The following ELMOD1 variants were observed in gnomAD, a reference collection of about 807,000 sequenced individuals.
ELMOD1 encodes the protein ELMO domain-containing protein 1.
Under a neutral mutation model 46.7 loss-of-function variants are expected in ELMOD1, and 21 were observed. The observed-to-expected ratio is 0.45, with a 90% CI of 0.32 to 0.65. ELMOD1 has a LOEUF of 0.65. Among genes scored for constraint, ELMOD1 ranks in the 30% least tolerant of loss-of-function variants. The pLI, the probability that ELMOD1 is intolerant of heterozygous loss-of-function variation, is 0.04. For synonymous variants in ELMOD1, 122 were observed against 138.2 expected (o/e 0.88, Z 0.82); for missense variants, 348 against 407.8 (o/e 0.85, Z 1.26).
intron 6 of ELMOD1, among the ~76,000 whole-genome samples, chr11:107,641,379 G>A (rs1386032294): frequency 2.0e-5 from 3 of 152,038 alleles, no homozygotes; most frequent in Non-Finnish European, 2.9e-5. Flanking sequence ...TGTTTTCTAA[G>A]TAGTTACCAC....
chr11:107,626,122 A>G (rs1388249785), intron 2 of ELMOD1, among the ~76,000 whole-genome samples: 1 of 152,202 alleles, frequency 6.6e-6, no homozygotes, highest in African/African-American at 2.4e-5. Context: ...AGAATCTTCC[A>G]TCAAAATGAA....
At chr11:107,632,795 T>G (rs1250194135) in intron 5 of ELMOD1, among the ~76,000 whole-genome samples, 1 of 152,194 alleles carries the variant, frequency 6.6e-6, no homozygotes, top group Non-Finnish European at 1.5e-5. Flanking sequence ...GGATTAGATT[T>G]AATAGCAAAT....
At chr11:107,596,824 AAG>A (rs1865499064) in intron 1 of ELMOD1, among the ~76,000 whole-genome samples, 1 of 152,158 alleles carries the variant, frequency 6.6e-6, no homozygotes, top group African/African-American at 2.4e-5. Context: ...TACTTCACTA[AAG>A]AGTTTTATGC....
At chr11:107,627,389 TG>T (rs2135683938) in intron 2 of ELMOD1, among the ~76,000 whole-genome samples, 1 of 152,352 alleles carries the variant, frequency 6.6e-6, no homozygotes, top group African/African-American at 2.4e-5. Context: ...CCCTAAGAAA[TG>T]ATGCTTCATC....
At chr11:107,642,545 A>T (rs901706068) in intron 6 of ELMOD1, among the ~76,000 whole-genome samples, 12 of 151,626 alleles carry the variant, frequency 7.9e-5, no homozygotes, top group Non-Finnish European at 1.5e-4. Flanking sequence ...TTTTTTTTGT[A>T]TTTTTAGTAG....
intron 1 of ELMOD1, among the ~76,000 whole-genome samples, chr11:107,615,121 C>T (rs1486440456): frequency 6.6e-6 from 1 of 151,920 alleles, no homozygotes; most frequent in Non-Finnish European, 1.5e-5. Context: ...TAGAGCGTAG[C>T]AGGCATTAAC....
chr11:107,646,890 C>A (rs1461750040), intron 6 of ELMOD1, among the ~76,000 whole-genome samples: 2 of 151,462 alleles, frequency 1.3e-5, no homozygotes, highest in Non-Finnish European at 2.9e-5. Context: ...TCTTTATACT[C>A]TTAAATATTT....
chr11:107,617,972 T>C, intron 1 of ELMOD1, 133 bp from the exon 2 acceptor site: 1 of 596,884 alleles, frequency 1.7e-6, no homozygotes, highest in Non-Finnish European at 3.0e-6. Flanking sequence ...ATTGCATTGC[T>C]CTGTGGGCAG....
chr11:107,615,259 C>T (rs892604362), intron 1 of ELMOD1, among the ~76,000 whole-genome samples: 1 of 64,842 alleles, frequency 1.5e-5, no homozygotes, highest in Non-Finnish European at 2.6e-5. Flanking sequence ...TTTTTTGAGA[C>T]GTAGTCTCAC....
intron 7 of ELMOD1, 84 bp downstream of exon 7, chr11:107,647,685 T>C: frequency 5.0e-6 from 7 of 1,405,192 alleles, no homozygotes; most frequent in Non-Finnish European, 6.7e-6. Flanking sequence ...GTAATTAGCT[T>C]CAAAAGGTAC....
rs747659163 is a variant in ELMOD1 at position 107,631,695 on chromosome 11, A to G, written c.290+18A>G. On this transcript the variant is annotated intron_variant, in intron 5 of 11. Coordinates refer to ENST00000265840, the MANE Select transcript of ELMOD1 (RefSeq NM_018712.4). Reference sequence around the variant, plus strand: ...AATCCACAGTAAGAATATGTTTCTTATGTCAAAAATACAGAACACAAATCA... The same window carrying G: ...AATCCACAGTAAGAATATGTTTCTTGTGTCAAAAATACAGAACACAAATCA... The G allele has an allele frequency of 3.6e-6, 5 of 1,379,888 alleles. No homozygotes were observed. Among genetic ancestry groups the G allele is most frequent in the Non-Finnish European group, 4.0e-6 (4 of 1,002,482 alleles). 85.5% of individuals were successfully genotyped at this position (1,379,888 alleles called of 1,614,324 possible). A position where few individuals can be genotyped will look rare whatever the true frequency, so the allele number is the denominator to read the frequency against.
At position 107,665,192 on chromosome 11, in the gene ELMOD1, A is replaced by G. The variant is rs780841305; in HGVS notation, c.1000A>G (p.Met334Val). The G allele has an allele frequency of 6.8e-6, 11 of 1,613,768 alleles. No individual in the cohort carries two copies. The highest frequency in any genetic ancestry group is 1.3e-5 in the African/African-American group (1 of 75,040). ...TGCTGCCTCGGAAGGTTTAATCAAC[A>G]TGTAGTTGCCCACGCCGGTTTTAAT... The part of the protein sequence containing the change: ...HFAASEGLIN[M>V] Residue 334 changes from methionine (M) to valine (V), a missense_variant, in exon 12 of 12, where the codon ATG becomes GTG. Met to Val is a conservative substitution (Grantham distance 21). Coordinates refer to ENST00000265840, the MANE Select transcript of ELMOD1 (RefSeq NM_018712.4).
At chr11:107,609,740 C>T (rs923209137) in intron 1 of ELMOD1, among the ~76,000 whole-genome samples, 3 of 152,164 alleles carry the variant, frequency 2.0e-5, no homozygotes, top group Admixed American at 6.5e-5. Flanking sequence ...AACCTCATAG[C>T]TTAGCACTGA....
rs181810489 is a variant in ELMOD1, at chr11:107,632,607, A to G, written c.290+930A>G. On this transcript the variant is annotated intron_variant, in intron 5 of 11. Coordinates refer to ENST00000265840, the MANE Select transcript of ELMOD1 (RefSeq NM_018712.4). ...TTCATTAGCTGCCTTTTGCCTATTC[A>G]GCTACCAAAGGTTGATTTACTTATA... Among the ~76,000 whole-genome samples, 9 of 152,278 alleles carry G rather than the reference A, an allele frequency of 5.9e-5. No homozygotes were observed. In the East Asian group the frequency reaches 1.7e-3, roughly 29 times the overall value.
chr11:107,623,714 C>A (rs1359785910), intron 2 of ELMOD1: 2 of 152,092 alleles, frequency 1.3e-5, no homozygotes, highest in Non-Finnish European at 2.9e-5. Context: ...TTTCAACTTT[C>A]TGTTTTTACT....
chr11:107,606,876 T>C (rs1865693973), intron 1 of ELMOD1, among the ~76,000 whole-genome samples: 1 of 152,160 alleles, frequency 6.6e-6, no homozygotes, highest in South Asian at 2.1e-4. Context: ...TTTTCTACTT[T>C]TTCAGTTGCC....
intron 6 of ELMOD1, 40 bp from the exon 7 acceptor site, chr11:107,647,428 G>C (rs753369350): frequency 2.5e-6 from 4 of 1,581,918 alleles, no homozygotes; most frequent in South Asian, 2.4e-5. Flanking sequence ...CAATAGGAAA[G>C]GGTGTATCAA....
chr11:107,656,021 A>G lies in ELMOD1; in HGVS notation c.787A>G (p.Ile263Val). ...AGCTCTAAAAACCCATTTCTACAAT[A>G]TCGCCCCAGAAGCTCCAACATTGTC... ...SGALKTHFYN[I>V]APEAPTLSHF... is the part of the protein sequence containing the mutation. Residue 263 changes from isoleucine (I) to valine (V), a missense_variant, in exon 11 of 12, where the codon ATC (isoleucine) becomes GTC (valine). Coordinates refer to ENST00000265840, the MANE Select transcript of ELMOD1 (RefSeq NM_018712.4). 1 of 1,563,966 alleles carries G rather than the reference A, an allele frequency of 6.4e-7. No individual in the cohort carries two copies. Among genetic ancestry groups the G allele is most frequent in the Non-Finnish European group, 8.7e-7 (1 of 1,152,272 alleles).
Position 107,617,608 on chromosome 11 carries a change from T to C in ELMOD1, c.-85-497T>C, listed in dbSNP as rs1865884055. Among the ~76,000 whole-genome samples, 6 of 152,210 alleles carry C rather than the reference T, an allele frequency of 3.9e-5. No individual in the cohort carries two copies. The South Asian group carries it at 1.2e-3, about 32-fold the overall frequency. ...TGGGGCCTGGGGCATCATTCATTTC[T>C]TTGTAGTATCTTGCGCTTTAAGTGA... On this transcript the variant is annotated intron_variant, in intron 1 of 11. Transcript: ENST00000265840.
Sources: gnomAD v4.1 joint callset for allele counts (sites outside exome capture counted in the v4.1 genomes callset) on GRCh38, gnomAD v4.1.1 for gene constraint, MANE v1.5 for transcripts, NCBI Gene and HGNC (gene_info 2026-07-23, HGNC 2026-07-21) for gene names.